Variants in SERBP1 observed in about 807,000 individuals in gnomAD.
The protein encoded by SERBP1 is SERPINE1 mRNA-binding protein 1.
SERBP1 carries 6 observed loss-of-function variants against 50.2 expected under a neutral mutation model. The ratio of observed to expected loss-of-function variants is 0.12; its 90% CI spans 0.07 to 0.24. The LOEUF (loss-of-function observed/expected upper bound fraction) is 0.24. SERBP1 is among the 10% of genes least tolerant of loss of function. The pLI, the probability that SERBP1 is intolerant of heterozygous loss-of-function variation, is 1.00. For synonymous variants in SERBP1, 168 were observed against 182.8 expected (o/e 0.92, Z 0.65); for missense variants, 346 against 524.9 (o/e 0.66, Z 3.33).
chr1:67,424,144 T>C (rs1348555795), intron 5 of SERBP1, 56 bp downstream of exon 5: 2 of 1,537,818 alleles, frequency 1.3e-6, no homozygotes, highest in African/African-American at 2.8e-5. Flanking sequence ...ATCTTATTGG[T>C]AAAACTCCAG....
At chr1:67,428,191 T>C (rs1022254484) in intron 1 of SERBP1, among the ~76,000 whole-genome samples, 6 of 152,262 alleles carry the variant, frequency 3.9e-5, no homozygotes, top group Non-Finnish European at 7.3e-5. Flanking sequence ...AGTAGTGCTC[T>C]GAAATACTGA....
chr1:67,421,675 T>C (rs1189443834), intron 5 of SERBP1, among the ~76,000 whole-genome samples: 3 of 152,192 alleles, frequency 2.0e-5, no homozygotes, highest in Admixed American at 2.0e-4. Flanking sequence ...CAGTTGTGGT[T>C]GGACACGGTG....
intron 5 of SERBP1, among the ~76,000 whole-genome samples, chr1:67,421,201 C>T (rs539292036): frequency 5.9e-5 from 9 of 151,866 alleles, no homozygotes; most frequent in Admixed American, 3.3e-4. Flanking sequence ...ATCTTGGGTA[C>T]TGAGTCCACC....
chr1:67,421,194 T>C (rs1667186431), intron 5 of SERBP1, among the ~76,000 whole-genome samples: 1 of 152,092 alleles, frequency 6.6e-6, no homozygotes, highest in Admixed American at 6.5e-5. Context: ...TCTTGGGATC[T>C]TGGGTACTGA....
intron 6 of SERBP1, 195 bp downstream of exon 6, chr1:67,419,814 T>C (rs962284367): frequency 3.2e-5 from 18 of 568,738 alleles, no homozygotes; most frequent in Non-Finnish European, 5.6e-5. Flanking sequence ...TAATTACAAA[T>C]TGATCAAAGG....
At chr1:67,429,042 A>C (rs1434740559) in intron 1 of SERBP1, among the ~76,000 whole-genome samples, 3 of 152,128 alleles carry the variant, frequency 2.0e-5, no homozygotes, top group Non-Finnish European at 4.4e-5. Flanking sequence ...CAATCCTGTG[A>C]AACTCACAGT....
chr1:67,415,118 A>T, intron 7 of SERBP1, 48 bp downstream of exon 7: 1 of 1,518,924 alleles, frequency 6.6e-7, no homozygotes. Context: ...CCAGTGACTT[A>T]TAAGAGGTCC....
rs747824142 is a variant in SERBP1 at position 67,408,200 on chromosome 1, AC to A, written c.*5006del. 4 of 152,210 alleles carry A rather than the reference AC, an allele frequency of 2.6e-5. No homozygotes were observed. Among genetic ancestry groups the A allele is most frequent in the Non-Finnish European group, 4.4e-5 (3 of 68,036 alleles). The allele number at this position is 152,210 out of a possible 1,614,324, so 9.4% of individuals were successfully genotyped here. A position where few individuals can be genotyped will look rare whatever the true frequency, so the allele number is the denominator to read the frequency against. On this transcript the variant is annotated 3_prime_UTR_variant, in exon 8 of 8. Coordinates refer to ENST00000361219, the MANE Select transcript of SERBP1 (RefSeq NM_001018069.2). ...CCACACAAGGTCAGAGTAATTGAGC[AC>A]CTAGTATGAACCAATTATCTAAATA...
Position 67,425,236 on chromosome 1 carries a change from C to A in SERBP1, c.465-13G>T. On this transcript the variant is annotated splice_polypyrimidine_tract_variant and intron_variant, in intron 2 of 7. Transcript: ENST00000361219. ...GTCAATAATCGGTCTATAATATAAA[C>A]AAATAAATTATACTTCCATGGTTTC... 1.9e-6 allele frequency: 3 copies of A among 1,571,624 alleles called. No homozygotes were observed. Among genetic ancestry groups the A allele is most frequent in the Non-Finnish European group, 2.6e-6 (3 of 1,164,844 alleles).
At chr1:67,423,714 G>A (rs571087391) in intron 5 of SERBP1, among the ~76,000 whole-genome samples, 1 of 152,136 alleles carries the variant, frequency 6.6e-6, no homozygotes, top group African/African-American at 2.4e-5. Context: ...TTCTACATTG[G>A]AAATAACTTC....
chr1:67,427,459 G>A (rs1421249514), intron 1 of SERBP1, among the ~76,000 whole-genome samples: 1 of 152,152 alleles, frequency 6.6e-6, no homozygotes, highest in East Asian at 1.9e-4. Flanking sequence ...TTCTTTCTAA[G>A]AAAGTAGAAC....
At chr1:67,424,354 G>A in intron 4 of SERBP1, 77 bp from the exon 5 acceptor site, 1 of 1,563,384 alleles carries the variant, frequency 6.4e-7, no homozygotes, top group Non-Finnish European at 8.6e-7. Flanking sequence ...AAGGCATCTA[G>A]GTCCATTTAC....
chr1:67,416,865 G>A (rs1206350617), intron 6 of SERBP1, among the ~76,000 whole-genome samples: 2 of 152,186 alleles, frequency 1.3e-5, no homozygotes, highest in Non-Finnish European at 2.9e-5. Flanking sequence ...TATACTAATT[G>A]TGTGATTTTT....
chr1:67,415,017 T>C (rs1570280875), intron 7 of SERBP1, 149 bp downstream of exon 7: 1 of 872,540 alleles, frequency 1.1e-6, no homozygotes, highest in Non-Finnish European at 1.6e-6. Context: ...TTTAAGTGCT[T>C]TAAACATAAA....
In SERBP1 at chr1:67,412,695, T is replaced by A. The variant is rs2100407431; in HGVS notation, c.*512A>T. ...ACTAAGTTAAAATACATATAGTTAG[T>A]ATTCCACACAGCATAAAATTTGACA... On this transcript the variant is annotated 3_prime_UTR_variant, in exon 8 of 8. Coordinates refer to ENST00000361219, the MANE Select transcript of SERBP1 (RefSeq NM_001018069.2). 1 of 153,016 alleles carries A rather than the reference T, an allele frequency of 6.5e-6. No homozygotes were observed. The highest frequency in any genetic ancestry group is 2.1e-4 in the South Asian group (1 of 4,836). The allele number at this position is 153,016 out of a possible 1,614,324, so 9.5% of individuals were successfully genotyped here.
chr1:67,424,155 T>C (rs1216300104), intron 5 of SERBP1, 45 bp downstream of exon 5: 8 of 1,554,648 alleles, frequency 5.1e-6, no homozygotes, highest in African/African-American at 1.4e-5. Context: ...AAAACTCCAG[T>C]GCTTTCAATT....
At chr1:67,424,702 G>A (rs1265558410) in intron 4 of SERBP1, among the ~76,000 whole-genome samples, 186 bp downstream of exon 4, 1 of 151,758 alleles carries the variant, frequency 6.6e-6, no homozygotes, top group Non-Finnish European at 1.5e-5. Context: ...CAAATATATC[G>A]AAATATTAAA....
At chr1:67,422,471 T>C (rs1006574619) in intron 5 of SERBP1, among the ~76,000 whole-genome samples, 2 of 149,934 alleles carry the variant, frequency 1.3e-5, no homozygotes, top group African/African-American at 2.5e-5. Flanking sequence ...GATCACGCCA[T>C]TGCACTCCAG....
In SERBP1 at chr1:67,418,642, C is replaced by T. The variant is rs886485859; in HGVS notation, c.951+1367G>A. 4.6e-5 allele frequency among the ~76,000 whole-genome samples: 7 copies of T among 151,976 alleles called. No individual in the cohort carries two copies. The East Asian group carries it at 1.4e-3, about 29-fold the overall frequency. ...GGCATGGTGGCGAGTGTCCGTAATC[C>T]CAGCTACTGAGGAGGTTGAGACACA... On this transcript the variant is annotated intron_variant, in intron 6 of 7. Coordinates refer to ENST00000361219, the MANE Select transcript of SERBP1 (RefSeq NM_001018069.2).
Sources: gnomAD v4.1 joint callset for allele counts (sites outside exome capture counted in the v4.1 genomes callset) on GRCh38, gnomAD v4.1.1 for gene constraint, MANE v1.5 for transcripts, NCBI Gene and HGNC (gene_info 2026-07-23, HGNC 2026-07-21) for gene names.